Variants in BIVM observed in about 807,000 individuals in gnomAD.
BIVM encodes basic, immunoglobulin-like variable motif containing.
BIVM carries 31 observed loss-of-function variants against 61.4 expected under a neutral mutation model. The observed-to-expected ratio is 0.51, with a 90% confidence interval of 0.38 to 0.68. BIVM has a LOEUF of 0.68. Ranked by LOEUF, BIVM falls within the 30% of genes least tolerant of loss-of-function variation. The pLI is 0.00. For missense variants in BIVM, 526 were observed against 596.0 expected, an observed-to-expected ratio of 0.88 and a Z score of 1.22; for synonymous variants, 189 against 210.7, an observed-to-expected ratio of 0.90 and a Z score of 0.89.
At chr13:102,821,247 G>A in intron 5 of BIVM, 115 bp downstream of exon 5, 1 of 846,696 alleles carries the variant, frequency 1.2e-6, no homozygotes, top group Non-Finnish European at 1.8e-6. Flanking sequence ...AAACCCTGCT[G>A]TATTTTAGTG....
At chr13:102,834,738 A>T (rs1319499549) in intron 9 of BIVM, among the ~76,000 whole-genome samples, 186 bp downstream of exon 9, 1 of 152,202 alleles carries the variant, frequency 6.6e-6, no homozygotes, top group African/African-American at 2.4e-5. Flanking sequence ...ATCAATCTCC[A>T]TAGAAAGCCC....
chr13:102,826,859 A>G (rs1880707059), intron 7 of BIVM, among the ~76,000 whole-genome samples: 1 of 152,234 alleles, frequency 6.6e-6, no homozygotes. Flanking sequence ...GGGAAGCAGG[A>G]AGACCCAGAG....
intron 8 of BIVM, among the ~76,000 whole-genome samples, chr13:102,833,976 G>A (rs1881292315): frequency 6.6e-6 from 1 of 152,132 alleles, no homozygotes; most frequent in African/African-American, 2.4e-5. Context: ...ACTTCTGCCT[G>A]TACCTAAGAA....
At chr13:102,804,148 GT>G (rs1418290608) in intron 1 of BIVM, among the ~76,000 whole-genome samples, 1 of 150,934 alleles carries the variant, frequency 6.6e-6, no homozygotes, top group East Asian at 1.9e-4. Context: ...AGAGTTTTTT[GT>G]TTGTTTGTTC....
At chr13:102,822,270 A>G (rs1880345847) in intron 7 of BIVM, 111 bp downstream of exon 7, 2 of 1,006,072 alleles carry the variant, frequency 2.0e-6, no homozygotes, top group African/African-American at 3.2e-5. Flanking sequence ...GCTTCCTGGG[A>G]CATTATGTAA....
At chr13:102,824,214 G>A (rs777448174) in intron 7 of BIVM, among the ~76,000 whole-genome samples, 2 of 152,166 alleles carry the variant, frequency 1.3e-5, no homozygotes, top group Admixed American at 1.3e-4. Flanking sequence ...GAGAGGGTAA[G>A]GGGTGTCAAG....
intron 7 of BIVM, among the ~76,000 whole-genome samples, chr13:102,823,072 C>T (rs1880407946): frequency 6.6e-6 from 1 of 152,140 alleles, no homozygotes; most frequent in South Asian, 2.1e-4. Context: ...CAGGGGACGT[C>T]CGTAAGGAAC....
rs1156882139 is a variant in BIVM at position 102,807,501 on chromosome 13, G to A, written c.234G>A (p.Gln78=). 6.2e-7 allele frequency: 1 copy of A among 1,614,120 alleles called. No homozygotes were observed. The highest frequency in any genetic ancestry group is 1.3e-5 in the African/African-American group (1 of 75,012). ...AICSDYAFLN[Q]ATSIYKTPNP... ...GTTCGGACTATGCCTTTCTCAACCA[G>A]GCGACCTCAATCTATAAAACTCCAA... Residue 78 remains glutamine, a synonymous_variant, in exon 3 of 11, where the codon CAG becomes CAA. Coordinates refer to ENST00000257336, the MANE Select transcript of BIVM (RefSeq NM_017693.4). This position sits in a 1 kb window ranked among gnomAD's most constrained non-coding sequence, Gnocchi z 4.0.
chr13:102,814,117 G>A (rs1047499123), intron 3 of BIVM, among the ~76,000 whole-genome samples: 2 of 152,012 alleles, frequency 1.3e-5, no homozygotes, highest in African/African-American at 4.8e-5. Context: ...GTGTGTGTTT[G>A]GTGTTGAGGC....
Position 102,807,424 on chromosome 13 carries a change from T to C in BIVM, c.157T>C (p.Tyr53His), listed in dbSNP as rs186576711. 93 of 1,614,192 alleles carry C rather than the reference T, an allele frequency of 5.8e-5. 1 individual carries two copies. The Admixed American group carries it at 1.5e-3, about 26-fold the overall frequency. ...APLGPKGDGH[Y>H]PWSCPVTHTR... ...CTTGGGTCCCAAAGGAGATGGTCAT[T>C]ATCCATGGAGTTGTCCAGTGACTCA... The change falls in exon 3 of 11, where the codon TAT (tyrosine) becomes CAT (histidine). Residue 53 changes from tyrosine (Y) to histidine (H), a missense_variant. By Grantham distance (83) the Tyr-to-His change is moderately conservative. Coordinates refer to ENST00000257336, the MANE Select transcript of BIVM (RefSeq NM_017693.4). This position sits in a 1 kb window ranked among gnomAD's most constrained non-coding sequence, Gnocchi z 4.0.
chr13:102,839,878 CTGAACAGCTGGCA>C lies in BIVM; in HGVS notation c.*15_*27del. The C allele has an allele frequency of 6.2e-7, 1 of 1,600,492 alleles. No individual in the cohort carries two copies. The highest frequency in any genetic ancestry group is 8.5e-7 in the Non-Finnish European group (1 of 1,175,748). On this transcript the variant is annotated 3_prime_UTR_variant, in exon 11 of 11. Coordinates refer to ENST00000257336, the MANE Select transcript of BIVM (RefSeq NM_017693.4). ...TGGGAATGATTGACTATGCTTGCTA[CTGAACAGCTGGCA>C]TTATATATGAAACTGCTATATACAG...
At chr13:102,802,745 CTTTTT>C (rs35905954) in intron 1 of BIVM, among the ~76,000 whole-genome samples, 2 of 132,146 alleles carry the variant, frequency 1.5e-5, no homozygotes, top group Non-Finnish European at 3.2e-5. Context: ...TCTCTCTTTC[CTTTTT>C]TTTTTTTTTT....
At chr13:102,818,071 T>C (rs1879997683) in intron 4 of BIVM, among the ~76,000 whole-genome samples, 1 of 152,140 alleles carries the variant, frequency 6.6e-6, no homozygotes, top group East Asian at 1.9e-4. Flanking sequence ...AAGGAGGTAA[T>C]GATCACCAGA....
rs1423331474 is a variant in BIVM, at chr13:102,807,207, A to G, written c.-61A>G. ...CTGTAAACAATTGTCAAAGTTGTTT[A>G]TCAAGAAACAGATAGAGTTGCAACT... On this transcript the variant is annotated 5_prime_UTR_variant, in exon 3 of 11. Transcript: ENST00000257336. The surrounding 1 kb of genome is among the most constrained non-coding windows in gnomAD (Gnocchi z 4.0). The G allele has an allele frequency of 2.4e-5, 36 of 1,499,238 alleles. No homozygotes were observed. The highest frequency in any genetic ancestry group is 4.3e-5 in the Admixed American group (2 of 46,998). 92.9% of individuals were successfully genotyped at this position (1,499,238 alleles called of 1,614,324 possible).
In BIVM at chr13:102,821,724, A is replaced by G. The variant is rs1391787031; in HGVS notation, c.702-19A>G. The G allele has an allele frequency of 4.3e-6, 7 of 1,609,202 alleles. No individual in the cohort carries two copies. The highest frequency in any genetic ancestry group is 2.2e-5 in the East Asian group (1 of 44,810). ...GACTGGAATTGAAAAATGAAAGGCA[A>G]TGAATGTTTCTTTTGTAGCCTTCCA... On this transcript the variant is annotated intron_variant, in intron 5 of 10. Transcript: ENST00000257336.
intron 7 of BIVM, among the ~76,000 whole-genome samples, chr13:102,828,814 A>G (rs372594051): frequency 7.1e-4 from 108 of 152,210 alleles, no homozygotes; most frequent in African/African-American, 2.5e-3. Context: ...GGATTCCTTG[A>G]GGCCAGGAGT....
At chr13:102,827,250 G>A (rs1323987324) in intron 7 of BIVM, among the ~76,000 whole-genome samples, 1 of 146,942 alleles carries the variant, frequency 6.8e-6, no homozygotes, top group East Asian at 2.0e-4. Flanking sequence ...AATAATCTAG[G>A]ATGTGTAGCA....
intron 3 of BIVM, among the ~76,000 whole-genome samples, chr13:102,811,546 G>A (rs544016685): frequency 5.4e-4 from 82 of 152,180 alleles, no homozygotes; most frequent in South Asian, 2.5e-3. Context: ...TATTTGATAC[G>A]GAGTTTTGTT....
At chr13:102,830,112 G>A (rs576922098) in intron 7 of BIVM, among the ~76,000 whole-genome samples, 13 of 152,046 alleles carry the variant, frequency 8.6e-5, no homozygotes, top group African/African-American at 3.1e-4. Context: ...CATCTTGAAT[G>A]CTACTTCTTC....
Sources: allele counts gnomAD v4.1 joint callset (sites outside exome capture counted in the v4.1 genomes callset), GRCh38; gene constraint gnomAD v4.1.1; non-coding constraint Gnocchi (gnomAD v3.1); transcripts MANE v1.5; gene names NCBI Gene and HGNC (gene_info 2026-07-23, HGNC 2026-07-21).